Variants in STXBP5 observed in about 807,000 individuals in gnomAD.
STXBP5 encodes syntaxin binding protein 5, also known as syntaxin-binding protein 5.
In STXBP5, 50 loss-of-function variants were observed where a neutral mutation model predicts 152.4. That is an observed-to-expected ratio of 0.33 (90% CI 0.26 to 0.42). The LOEUF (loss-of-function observed/expected upper bound fraction) is 0.42, where lower values mean the gene tolerates loss of function less well. STXBP5 is among the 10% of genes least tolerant of loss of function. The pLI, the probability that STXBP5 is intolerant of heterozygous loss-of-function variation, is 1.00. For synonymous variants in STXBP5, 492 were observed against 494.7 expected (o/e 0.99, Z 0.07); for missense variants, 1,167 against 1,388.6 (o/e 0.84, Z 2.54).
chr6:147,239,001 C>G lies in STXBP5; in HGVS notation c.331-169C>G, dbSNP rs1778409025. 2.0e-5 allele frequency among the ~76,000 whole-genome samples: 3 copies of G among 152,274 alleles called. No homozygotes were observed. In the South Asian group the frequency reaches 6.2e-4, roughly 32 times the overall value. Reference sequence around the variant, plus strand: ...TTTACATGCATGTAATACACGTACACTTTTTACATCTGCTGTTTTGAATTT... The same window carrying G: ...TTTACATGCATGTAATACACGTACAGTTTTTACATCTGCTGTTTTGAATTT... On this transcript the variant is annotated intron_variant, in intron 3 of 27. Transcript: ENST00000321680.
chr6:147,337,457 A>G (rs1460196795), intron 19 of STXBP5, among the ~76,000 whole-genome samples: 2 of 152,094 alleles, frequency 1.3e-5, no homozygotes, highest in African/African-American at 4.8e-5. Context: ...CACAGAAGTT[A>G]TAACAATCAG....
In STXBP5 at chr6:147,386,617, T is replaced by C. The variant is rs1211963556; in HGVS notation, c.*1862T>C. 2.6e-5 allele frequency: 4 copies of C among 151,860 alleles called. No individual in the cohort carries two copies. The East Asian group carries it at 7.7e-4, about 29-fold the overall frequency. 9.4% of individuals were successfully genotyped at this position (151,860 alleles called of 1,614,324 possible). A position where few individuals can be genotyped will look rare whatever the true frequency, so the allele number is the denominator to read the frequency against. ...AGCACCAATGAATAACATATTTCTG[T>C]TTCGTTAATGTCAGCTGCCTGAACA... On this transcript the variant is annotated 3_prime_UTR_variant, in exon 28 of 28. Transcript: ENST00000321680.
intron 2 of STXBP5, among the ~76,000 whole-genome samples, chr6:147,215,194 A>G (rs1421338236): frequency 6.6e-6 from 1 of 152,256 alleles, no homozygotes; most frequent in African/African-American, 2.4e-5. Context: ...GATTTGGCCC[A>G]CAGGCCAAAG....
chr6:147,205,101 T>C (rs375811119), intron 1 of STXBP5, among the ~76,000 whole-genome samples: 26 of 152,316 alleles, frequency 1.7e-4, no homozygotes, highest in East Asian at 7.7e-4. Context: ...ACCACACCTT[T>C]GCTCATCACT....
intron 5 of STXBP5, among the ~76,000 whole-genome samples, chr6:147,260,993 A>G (rs537688141): frequency 2.6e-4 from 40 of 152,184 alleles, no homozygotes; most frequent in African/African-American, 9.4e-4. Flanking sequence ...ATTTGTGTAC[A>G]CTGTAACACT....
chr6:147,214,902 G>A (rs767380689), intron 2 of STXBP5, among the ~76,000 whole-genome samples: 1 of 152,134 alleles, frequency 6.6e-6, no homozygotes, highest in Non-Finnish European at 1.5e-5. Flanking sequence ...TCAAGATGAG[G>A]GAACACACAG....
At chr6:147,257,748 A>G (rs949345276) in intron 4 of STXBP5, among the ~76,000 whole-genome samples, 1 of 152,102 alleles carries the variant, frequency 6.6e-6, no homozygotes, top group Non-Finnish European at 1.5e-5. Flanking sequence ...TTATAGCTTT[A>G]TTTTAGTTGA....
chr6:147,296,201 C>T (rs1207028920), intron 9 of STXBP5, among the ~76,000 whole-genome samples: 1 of 152,034 alleles, frequency 6.6e-6, no homozygotes, highest in Admixed American at 6.5e-5. Flanking sequence ...GTTGAACTGG[C>T]ATGAACCTGT....
intron 26 of STXBP5, among the ~76,000 whole-genome samples, chr6:147,382,317 C>T (rs749810902): frequency 1.3e-5 from 2 of 152,118 alleles, no homozygotes; most frequent in African/African-American, 4.8e-5. Context: ...CTTCATTTAT[C>T]TTTACTTCTG....
At chr6:147,324,254 T>G (rs1236280) in intron 16 of STXBP5, among the ~76,000 whole-genome samples, 1,381 of 110,572 alleles carry the variant, frequency 0.012, 23 homozygotes, top group African/African-American at 0.037. Context: ...TTTTGTGGGG[T>G]TTTTTTTTGG....
At chr6:147,249,621 G>GC (rs1778988113) in intron 4 of STXBP5, among the ~76,000 whole-genome samples, 1 of 152,176 alleles carries the variant, frequency 6.6e-6, no homozygotes, top group Non-Finnish European at 1.5e-5. Flanking sequence ...ATAATAAAAT[G>GC]CAAGAGGAGA....
intron 4 of STXBP5, among the ~76,000 whole-genome samples, chr6:147,245,910 G>A (rs1471010702): frequency 3.3e-5 from 5 of 152,196 alleles, no homozygotes; most frequent in Admixed American, 6.5e-5. Flanking sequence ...AGAGGGCAGC[G>A]CCCTGCTGAC....
At chr6:147,299,297 T>C (rs1370020895) in intron 9 of STXBP5, among the ~76,000 whole-genome samples, 7 of 149,572 alleles carry the variant, frequency 4.7e-5, no homozygotes, top group African/African-American at 1.7e-4. Context: ...CCTACCAAGA[T>C]TGACTTAGGA....
In STXBP5 at chr6:147,204,703, C is replaced by A. The variant is rs201371480; in HGVS notation, c.150+21C>A. On this transcript the variant is annotated intron_variant, in intron 1 of 27. Coordinates refer to ENST00000321680, the MANE Select transcript of STXBP5 (RefSeq NM_001127715.4). This position sits in a 1 kb window ranked among gnomAD's most constrained non-coding sequence, Gnocchi z 4.3. ...GCAAGGTGAACGGAGCGCGCAGCCC[C>A]GCGACACCGTCATTGAAAAATTGGG... 4,427 of 1,536,376 alleles carry A rather than the reference C, an allele frequency of 2.9e-3. 9 individuals are homozygous for A. Among genetic ancestry groups the A allele is most frequent in the Non-Finnish European group, 3.4e-3 (3,924 of 1,139,122 alleles).
chr6:147,264,214 G>A (rs1443138788), intron 6 of STXBP5, among the ~76,000 whole-genome samples: 1 of 151,956 alleles, frequency 6.6e-6, no homozygotes, highest in Non-Finnish European at 1.5e-5. Context: ...AAGGTGACAG[G>A]GCAAGTTCCT....
intron 9 of STXBP5, among the ~76,000 whole-genome samples, chr6:147,296,893 C>A (rs1781553669): frequency 6.6e-6 from 1 of 151,924 alleles, no homozygotes; most frequent in African/African-American, 2.4e-5. Flanking sequence ...GAAGGCAGGT[C>A]TTTTGAAATA....
chr6:147,372,401 CTTTTCCTTTTTTTTTTTTT>C (rs1785584710), intron 25 of STXBP5, among the ~76,000 whole-genome samples: 1 of 9,614 alleles, frequency 1.0e-4, no homozygotes, highest in Non-Finnish European at 2.2e-4. Flanking sequence ...TACTACCGTC[CTTTTCCTTTTTTTTTTTTT>C]TTTTTTTTTT....
chr6:147,256,378 C>A (rs1435296333), intron 4 of STXBP5, among the ~76,000 whole-genome samples: 1 of 152,046 alleles, frequency 6.6e-6, no homozygotes. Context: ...TTTTAGTTTT[C>A]CAGTATCTGC....
At chr6:147,222,033 A>C (rs992399888) in intron 2 of STXBP5, among the ~76,000 whole-genome samples, 2 of 152,060 alleles carry the variant, frequency 1.3e-5, no homozygotes, top group Admixed American at 6.6e-5. Context: ...AGCTGTGTCC[A>C]GACTACTATG....
Sources: allele counts gnomAD v4.1 joint callset (sites outside exome capture counted in the v4.1 genomes callset), GRCh38; gene constraint gnomAD v4.1.1; non-coding constraint Gnocchi (gnomAD v3.1); transcripts MANE v1.5; gene names NCBI Gene and HGNC (gene_info 2026-07-23, HGNC 2026-07-21).